FOXN3: variants seen among roughly 807,000 people sequenced by gnomAD.
FOXN3 encodes the protein forkhead box protein N3.
In FOXN3, 7 loss-of-function variants were observed where a neutral mutation model predicts 38.4. The observed-to-expected ratio is 0.18, with a 90% CI of 0.10 to 0.34. The LOEUF (loss-of-function observed/expected upper bound fraction) is 0.34. Among genes scored for constraint, FOXN3 ranks in the 10% least tolerant of loss-of-function variants. The pLI, the probability that FOXN3 is intolerant of heterozygous loss-of-function variation, is 1.00. For missense variants in FOXN3, 456 were observed against 613.4 expected (o/e 0.74, Z 2.71); for synonymous variants, 230 against 242.2 (o/e 0.95, Z 0.47).
intron 1 of FOXN3, among the ~76,000 whole-genome samples, chr14:89,588,158 C>T (rs1039111701): frequency 1.3e-5 from 2 of 151,970 alleles, no homozygotes; most frequent in African/African-American, 4.8e-5. Flanking sequence ...TGTGTGGCAC[C>T]TCCTCCCTCT....
At chr14:89,617,161 G>T (rs1414655640) in intron 1 of FOXN3, among the ~76,000 whole-genome samples, 1 of 152,134 alleles carries the variant, frequency 6.6e-6, no homozygotes, top group African/African-American at 2.4e-5. Context: ...CACTTCCTGT[G>T]TCTAAATTTT....
At chr14:89,419,381 A>C, upstream of FOXN3, 1 of 342,950 alleles carries the variant, frequency 2.9e-6, no homozygotes, top group South Asian at 2.2e-5. Flanking sequence ...GCAGGGGCCA[A>C]ATTTGTTTGG....
At chr14:89,226,775 T>C (rs1273884052) in intron 4 of FOXN3, among the ~76,000 whole-genome samples, 1 of 152,068 alleles carries the variant, frequency 6.6e-6, no homozygotes, top group East Asian at 1.9e-4. Context: ...ATAAGCAGTA[T>C]CCTTATGAAA....
At chr14:89,288,060 C>CAA in intron 3 of FOXN3, among the ~76,000 whole-genome samples, 1 of 55,710 alleles carries the variant, frequency 1.8e-5, no homozygotes, top group African/African-American at 4.2e-5. Flanking sequence ...GACCCTGTCT[C>CAA]AAAAAAAAAT....
In FOXN3 at chr14:89,347,938, G is replaced by A. The variant is rs1227524452; in HGVS notation, c.680+2734C>T. ...CGCTGCACTCCAGCCTGGAGAGAGA[G>A]CAAGACTCCGTCTCAAAAAAAAGCA... On this transcript the variant is annotated intron_variant, in intron 3 of 5. Coordinates refer to ENST00000557258, the MANE Select transcript of FOXN3 (RefSeq NM_005197.4). Among the ~76,000 whole-genome samples the A allele has an allele frequency of 2.1e-5, 3 of 143,234 alleles. No homozygotes were observed. The East Asian group carries it at 6.1e-4, about 29-fold the overall frequency. 94.0% of individuals were successfully genotyped at this position (143,234 alleles called of 152,430 possible).
intron 2 of FOXN3, chr14:89,364,517 C>G (rs1425854284): frequency 6.6e-6 from 1 of 152,336 alleles, no homozygotes; most frequent in Non-Finnish European, 1.5e-5. Flanking sequence ...TGGCGCCCTG[C>G]AGACAGCACC....
chr14:89,552,972 T>A (rs1343149590), intron 1 of FOXN3, among the ~76,000 whole-genome samples: 1 of 151,992 alleles, frequency 6.6e-6, no homozygotes, highest in African/African-American at 2.4e-5. Context: ...GGTGGGCCTC[T>A]ATGAGAAAAT....
intron 1 of FOXN3, among the ~76,000 whole-genome samples, chr14:89,426,215 A>ATTTTTTTTT (rs33964198): frequency 1.3e-5 from 1 of 77,560 alleles, no homozygotes; most frequent in Non-Finnish European, 2.2e-5. Context: ...AGGAGTACTG[A>ATTTTTTTTT]TTTTTTTTTT....
At chr14:89,404,584 T>C (rs1891340703) in intron 2 of FOXN3, among the ~76,000 whole-genome samples, 1 of 150,222 alleles carries the variant, frequency 6.7e-6, no homozygotes, top group East Asian at 2.0e-4. Flanking sequence ...GATGCTGGTA[T>C]GAATGGCTTC....
chr14:89,498,748 G>A (rs1484420830), intron 1 of FOXN3, among the ~76,000 whole-genome samples: 1 of 151,054 alleles, frequency 6.6e-6, no homozygotes, highest in East Asian at 1.9e-4. Flanking sequence ...CAGCCACAGA[G>A]GCATCCTATG....
chr14:89,523,307 C>G (rs403428), intron 1 of FOXN3, among the ~76,000 whole-genome samples: 1 of 151,350 alleles, frequency 6.6e-6, no homozygotes, highest in African/African-American at 2.5e-5. Context: ...ATAGAACAAA[C>G]AGACAATCAG....
intron 3 of FOXN3, among the ~76,000 whole-genome samples, chr14:89,319,943 C>G (rs1887850286): frequency 6.6e-6 from 1 of 152,168 alleles, no homozygotes; most frequent in Admixed American, 6.5e-5. Context: ...CCCTTGCCAT[C>G]CAGTAAGAGC....
intron 4 of FOXN3, among the ~76,000 whole-genome samples, chr14:89,275,585 T>C (rs148352442): frequency 5.7e-4 from 87 of 152,318 alleles, no homozygotes; most frequent in Non-Finnish European, 1.0e-3. Flanking sequence ...TTTCATGGCA[T>C]GAAAGACAAC....
chr14:89,457,181 T>C (rs1293395073), intron 1 of FOXN3, among the ~76,000 whole-genome samples: 2 of 152,206 alleles, frequency 1.3e-5, no homozygotes. Context: ...TGTCTCTCCA[T>C]GCAAGCAGCT....
At chr14:89,200,599 G>A (rs947885929) in intron 4 of FOXN3, among the ~76,000 whole-genome samples, 3 of 152,288 alleles carry the variant, frequency 2.0e-5, no homozygotes, top group African/African-American at 2.4e-5. Context: ...AGATGCTTTC[G>A]TATTTCTGTT....
In FOXN3 at chr14:89,164,736, C is replaced by G. The variant is rs1347661181; in HGVS notation, c.852-1767G>C. Among the ~76,000 whole-genome samples, 1 of 152,164 alleles carries G rather than the reference C, an allele frequency of 6.6e-6. No homozygotes were observed. The highest frequency in any genetic ancestry group is 1.5e-5 in the Non-Finnish European group (1 of 68,026). ...CACCGGGCACACGCTGAGGATACGG[C>G]ACTGGTAGAAGGGCTGTGGGGTCAG... is the stretch of plus-strand genomic sequence containing the variant. On this transcript the variant is annotated intron_variant, in intron 5 of 5. Transcript: ENST00000557258. This position sits in a 1 kb window ranked among gnomAD's most constrained non-coding sequence, Gnocchi z 4.3.
At chr14:89,254,815 C>G (rs1274663748) in intron 4 of FOXN3, among the ~76,000 whole-genome samples, 1 of 152,162 alleles carries the variant, frequency 6.6e-6, no homozygotes, top group Non-Finnish European at 1.5e-5. Context: ...CTCACCTTTT[C>G]AGACCCAGAG....
intron 1 of FOXN3, among the ~76,000 whole-genome samples, chr14:89,607,560 A>T (rs1395006775): frequency 1.4e-5 from 2 of 139,962 alleles, no homozygotes; most frequent in Admixed American, 8.4e-5. Flanking sequence ...CCGTGTCTTA[A>T]AAAAAAAAAA....
intron 4 of FOXN3, among the ~76,000 whole-genome samples, chr14:89,238,376 A>G (rs8005433): frequency 0.82 from 124,490 of 152,264 alleles, 50,968 homozygotes; most frequent in African/African-American, 0.84. Context: ...CATCTGGAAC[A>G]AATCTGATCT....
Sources: allele counts gnomAD v4.1 joint callset (sites outside exome capture counted in the v4.1 genomes callset), GRCh38; gene constraint gnomAD v4.1.1; non-coding constraint Gnocchi (gnomAD v3.1); transcripts MANE v1.5; gene names NCBI Gene and HGNC (gene_info 2026-07-23, HGNC 2026-07-21).